Variants in GTF2A2 observed in about 807,000 individuals in gnomAD.
GTF2A2 encodes transcription initiation factor IIA subunit 2.
Under a neutral mutation model 14.3 loss-of-function variants are expected in GTF2A2, and 9 were observed. The ratio of observed to expected loss-of-function variants is 0.63; its 90% CI spans 0.38 to 1.10. The LOEUF is 1.10. Among genes scored for constraint, GTF2A2 ranks in the 50% least tolerant of loss-of-function variants. GTF2A2 has a pLI of 0.01. For missense variants in GTF2A2, 90 were observed against 124.6 expected, an observed-to-expected ratio of 0.72 and a Z score of 1.32; for synonymous variants, 56 against 46.0, an observed-to-expected ratio of 1.22 and a Z score of -0.88.
chr15:59,655,434 C>T (rs1451886621), intron 1 of GTF2A2, among the ~76,000 whole-genome samples: 1 of 152,228 alleles, frequency 6.6e-6, no homozygotes, highest in African/African-American at 2.4e-5. Context: ...TCTAGCCTCA[C>T]TCAGAATATT....
At chr15:59,643,985 C>T (rs1891520565) in intron 3 of GTF2A2, among the ~76,000 whole-genome samples, 2 of 152,156 alleles carry the variant, frequency 1.3e-5, no homozygotes, top group South Asian at 2.1e-4. Flanking sequence ...ACCTCTGTCT[C>T]CCAGGTTCAA....
At chr15:59,641,194 T>C (rs1169958111) in intron 4 of GTF2A2, among the ~76,000 whole-genome samples, 1 of 105,096 alleles carries the variant, frequency 9.5e-6, no homozygotes, top group Non-Finnish European at 2.2e-5. Flanking sequence ...TTTTTTTTTT[T>C]TTTTTTAAGG....
At chr15:59,644,191 G>A (rs12708459) in intron 3 of GTF2A2, 46,033 of 151,928 alleles carry the variant, frequency 0.3, 7,576 homozygotes, top group East Asian at 0.53. Context: ...CACCGTGCCC[G>A]GCCGGAAATT....
chr15:59,648,032 T>C (rs1422360461), intron 3 of GTF2A2, among the ~76,000 whole-genome samples: 2 of 152,218 alleles, frequency 1.3e-5, no homozygotes, highest in Non-Finnish European at 2.9e-5. Context: ...TGTTAATTAC[T>C]GTTCGAGGCT....
intron 3 of GTF2A2, among the ~76,000 whole-genome samples, chr15:59,642,495 A>G (rs1891463704): frequency 6.6e-6 from 1 of 152,236 alleles, no homozygotes; most frequent in Non-Finnish European, 1.5e-5. Context: ...TGCATTGCAA[A>G]TTACTTACCT....
intron 3 of GTF2A2, among the ~76,000 whole-genome samples, chr15:59,649,755 G>A (rs2141964268): frequency 6.6e-6 from 1 of 152,126 alleles, no homozygotes; most frequent in East Asian, 1.9e-4. Context: ...TGTCTATCTT[G>A]TTCATCTCTG....
At chr15:59,645,661 G>A (rs1891579707) in intron 3 of GTF2A2, among the ~76,000 whole-genome samples, 1 of 152,164 alleles carries the variant, frequency 6.6e-6, no homozygotes, top group Non-Finnish European at 1.5e-5. Flanking sequence ...CTGAACCTCT[G>A]GAAAGCTAAA....
intron 4 of GTF2A2, 35 bp from the exon 5 acceptor site, chr15:59,639,192 T>C (rs754620961): frequency 6.4e-6 from 8 of 1,251,832 alleles, no homozygotes; most frequent in Non-Finnish European, 9.4e-6. Flanking sequence ...GTAAAGTAAA[T>C]TCAAGGAGCA....
At chr15:59,640,973 C>A (rs746276425) in intron 4 of GTF2A2, among the ~76,000 whole-genome samples, 2 of 152,198 alleles carry the variant, frequency 1.3e-5, no homozygotes. Context: ...AAGTCCCCAA[C>A]AATAACGCTG....
chr15:59,645,157 T>C (rs1045710522), intron 3 of GTF2A2, among the ~76,000 whole-genome samples: 1 of 152,164 alleles, frequency 6.6e-6, no homozygotes, highest in African/African-American at 2.4e-5. Flanking sequence ...GACTTGAATG[T>C]CAATGCATTC....
intron 1 of GTF2A2, among the ~76,000 whole-genome samples, chr15:59,654,040 A>G (rs1891870949): frequency 6.6e-6 from 1 of 152,202 alleles, no homozygotes; most frequent in South Asian, 2.1e-4. Flanking sequence ...AGTTAATGTG[A>G]TAACTCATGG....
At chr15:59,642,444 G>A (rs1007009495) in intron 3 of GTF2A2, among the ~76,000 whole-genome samples, 182 bp from the exon 4 acceptor site, 26 of 152,076 alleles carry the variant, frequency 1.7e-4, no homozygotes, top group African/African-American at 5.1e-4. Context: ...GCTAAGGGAA[G>A]ATTTCAAAAA....
At position 59,638,392 on chromosome 15, in the gene GTF2A2, A is replaced by G. The variant is rs1280031750; in HGVS notation, c.*740T>C. On this transcript the variant is annotated 3_prime_UTR_variant, in exon 5 of 5. Coordinates refer to ENST00000396060, the MANE Select transcript of GTF2A2 (RefSeq NM_004492.3). ...ATTTCTGCAAGCACAATCCACTGACATAAAAGTCTAATAATTAGACTTTAT... is the reference window on the plus strand; with the variant it reads ...ATTTCTGCAAGCACAATCCACTGACGTAAAAGTCTAATAATTAGACTTTAT... The G allele has an allele frequency of 6.6e-6, 1 of 152,236 alleles. No homozygotes were observed. Among genetic ancestry groups the G allele is most frequent in the African/African-American group, 2.4e-5 (1 of 41,552 alleles). 9.4% of individuals were successfully genotyped at this position (152,236 alleles called of 1,614,324 possible). A position where few individuals can be genotyped will look rare whatever the true frequency, so the allele number is the denominator to read the frequency against.
chr15:59,649,859 T>A (rs1194714922), intron 3 of GTF2A2, among the ~76,000 whole-genome samples: 1 of 152,226 alleles, frequency 6.6e-6, no homozygotes, highest in African/African-American at 2.4e-5. Context: ...GTTTACTGAA[T>A]GTTTAAGTAC....
chr15:59,650,223 T>C (rs1270362042), intron 3 of GTF2A2, among the ~76,000 whole-genome samples: 2 of 152,252 alleles, frequency 1.3e-5, no homozygotes, highest in Non-Finnish European at 2.9e-5. Context: ...ATCAGGTTTT[T>C]ATCAGCCAAG....
At chr15:59,651,517 A>G (rs917616392) in intron 2 of GTF2A2, 3 of 152,114 alleles carry the variant, frequency 2.0e-5, no homozygotes, top group Admixed American at 1.3e-4. Flanking sequence ...AATTATACAG[A>G]AGGGTTAATT....
rs1238763391 is a variant in GTF2A2 at position 59,638,816 on chromosome 15, A to ATTATCTAATATCTTCAT, written c.*299_*315dup. On this transcript the variant is annotated 3_prime_UTR_variant, in exon 5 of 5. Transcript: ENST00000396060. Reference sequence around the variant, plus strand: ...CCTTGCAAAGGAAATGGGAAAATGCATTATCTAATATCTTCATATTGCTAC... The same window carrying ATTATCTAATATCTTCAT: ...CCTTGCAAAGGAAATGGGAAAATGCATTATCTAATATCTTCATTTATCTAATATCTTCATATTGCTAC... 4.5e-6 allele frequency: 1 copy of ATTATCTAATATCTTCAT among 223,246 alleles called. No individual in the cohort carries two copies. The highest frequency in any genetic ancestry group is 2.3e-5 in the African/African-American group (1 of 43,134). The allele number at this position is 223,246 out of a possible 1,614,324, so 13.8% of individuals were successfully genotyped here.
At chr15:59,648,620 T>C (rs1167554535) in intron 3 of GTF2A2, among the ~76,000 whole-genome samples, 2 of 151,896 alleles carry the variant, frequency 1.3e-5, no homozygotes, top group African/African-American at 2.4e-5. Context: ...TTCACTTATA[T>C]TGAACCCATA....
At position 59,639,461 on chromosome 15, in the gene GTF2A2, C is replaced by CA. The variant is rs1484967031; in HGVS notation, c.305-305dup. 3.0e-3 allele frequency among the ~76,000 whole-genome samples: 296 copies of CA among 97,388 alleles called. 2 individuals carry two copies. Among genetic ancestry groups the CA allele is most frequent in the African/African-American group, 0.011 (283 of 26,462 alleles). 63.9% of individuals were successfully genotyped at this position (97,388 alleles called of 152,430 possible). ...TCTTCCCCCAGGTCCTTTACTGTCC[C>CA]AAATTTTTTTTTTTTTTTTGAGATG... On this transcript the variant is annotated intron_variant, in intron 4 of 4. Coordinates refer to ENST00000396060, the MANE Select transcript of GTF2A2 (RefSeq NM_004492.3).
Sources: allele counts gnomAD v4.1 joint callset (sites outside exome capture counted in the v4.1 genomes callset), GRCh38; gene constraint gnomAD v4.1.1; transcripts MANE v1.5; gene names NCBI Gene and HGNC (gene_info 2026-07-23, HGNC 2026-07-21).